The following USP40 variants were observed in gnomAD, a reference collection of about 807,000 sequenced individuals.
The protein encoded by USP40 is ubiquitin specific peptidase 40, also known as ubiquitin carboxyl-terminal hydrolase 40.
USP40 carries 143 observed loss-of-function variants against 166.2 expected under a neutral mutation model. The ratio of observed to expected loss-of-function variants is 0.86; its 90% CI spans 0.75 to 0.99. The LOEUF (loss-of-function observed/expected upper bound fraction) is 0.99, where lower values mean the gene tolerates loss of function less well. Among genes scored for constraint, USP40 ranks in the 50% least tolerant of loss-of-function variants. The pLI, the probability that USP40 is intolerant of heterozygous loss-of-function variation, is 0.00. For missense variants in USP40, 1,444 were observed against 1,479.7 expected (o/e 0.98, Z 0.40); for synonymous variants, 498 against 524.0 (o/e 0.95, Z 0.68).
In USP40 at chr2:233,477,031, C is replaced by T. The variant is rs2064212834; in HGVS notation, c.*361G>A. 1 of 350,046 alleles carries T rather than the reference C, an allele frequency of 2.9e-6. No individual in the cohort carries two copies. Among genetic ancestry groups the T allele is most frequent in the South Asian group, 2.2e-5 (1 of 44,830 alleles). The allele number at this position is 350,046 out of a possible 1,614,324, so 21.7% of individuals were successfully genotyped here. A position where few individuals can be genotyped will look rare whatever the true frequency, so the allele number is the denominator to read the frequency against. On this transcript the variant is annotated 3_prime_UTR_variant, in exon 32 of 32. Coordinates refer to ENST00000678225, the MANE Select transcript of USP40 (RefSeq NM_001365479.2). ...TGGCTGGCCTGACCCCACACACCTCCCACAGCGGAGCAACGGCATGCCGCT... is the reference window on the plus strand; with the variant it reads ...TGGCTGGCCTGACCCCACACACCTCTCACAGCGGAGCAACGGCATGCCGCT...
intron 5 of USP40, 129 bp downstream of exon 5, chr2:233,556,725 GA>G (rs753171170): frequency 1.3e-4 from 107 of 843,664 alleles, no homozygotes; most frequent in African/African-American, 8.6e-4. Context: ...GTAGTTAGAA[GA>G]AAAAAAAACT....
chr2:233,542,309 T>C lies in USP40; in HGVS notation c.1021A>G (p.Ile341Val), dbSNP rs2125317867. The part of the protein sequence containing the change: ...NLKDLQSEEE[I>V]DHPLMILKAI... ...TTTAGAATCATCAGTGGATGATCAATCTCTTCTTCACTCTGGAGATCTTTC... is the reference window on the plus strand; with the variant it reads ...TTTAGAATCATCAGTGGATGATCAACCTCTTCTTCACTCTGGAGATCTTTC... Residue 341 changes from isoleucine (I) to valine (V), a missense_variant, in exon 9 of 32, where the codon ATT becomes GTT. Transcript: ENST00000678225. 1.3e-6 allele frequency: 2 copies of C among 1,561,150 alleles called. No homozygotes were observed. Among genetic ancestry groups the C allele is most frequent in the East Asian group, 4.6e-5 (2 of 43,160 alleles).
chr2:233,532,440 T>C (rs2068613041), intron 11 of USP40, among the ~76,000 whole-genome samples: 1 of 152,176 alleles, frequency 6.6e-6, no homozygotes, highest in Admixed American at 6.5e-5. Context: ...TTCATTTACA[T>C]GAGGTGAGCA....
chr2:233,542,006 A>G (rs923605919), intron 9 of USP40, among the ~76,000 whole-genome samples: 1 of 152,184 alleles, frequency 6.6e-6, no homozygotes, highest in African/African-American at 2.4e-5. Flanking sequence ...TATCTGGCCT[A>G]CTTATACTTT....
Position 233,493,272 on chromosome 2 carries a change from G to C in USP40, c.2917+153C>G. 9.7e-7 allele frequency: 1 copy of C among 1,035,938 alleles called. No individual in the cohort carries two copies. The highest frequency in any genetic ancestry group is 2.2e-5 in the Admixed American group (1 of 44,918). The allele number at this position is 1,035,938 out of a possible 1,614,324, so 64.2% of individuals were successfully genotyped here. On this transcript the variant is annotated intron_variant, in intron 25 of 31. Transcript: ENST00000678225. This position sits in a 1 kb window ranked among gnomAD's most constrained non-coding sequence, Gnocchi z 4.7. ...AGAAATGGCACAGTGTTATTATTAT[G>C]TGATGTCTGGAATGACTTATGAAAT...
At chr2:233,483,295 G>A (rs1343390544) in intron 30 of USP40, among the ~76,000 whole-genome samples, 1 of 152,092 alleles carries the variant, frequency 6.6e-6, no homozygotes, top group East Asian at 1.9e-4. Context: ...TTCAAGACCA[G>A]CCTGGGCAAC....
At chr2:233,560,993 G>A (rs1193247653) in intron 3 of USP40, 3 of 814,242 alleles carry the variant, frequency 3.7e-6, no homozygotes, top group Non-Finnish European at 6.3e-6. Context: ...TTTCTCGGAA[G>A]GCAAATTCCA....
chr2:233,488,006 C>G (rs1219680100), intron 28 of USP40: 2 of 679,338 alleles, frequency 2.9e-6, no homozygotes, highest in South Asian at 1.5e-5. Context: ...TCAATATGCA[C>G]CTGGTGATTA....
chr2:233,521,231 C>T, intron 16 of USP40, 117 bp from the exon 17 acceptor site: 1 of 1,204,198 alleles, frequency 8.3e-7, no homozygotes. Context: ...ACTGAGTCGT[C>T]TCTATGATAA....
chr2:233,529,919 G>C (rs1227774391), intron 11 of USP40, among the ~76,000 whole-genome samples: 1 of 150,114 alleles, frequency 6.7e-6, no homozygotes, highest in African/African-American at 2.5e-5. Context: ...TCGTGCCTCA[G>C]CCTCTGAGTA....
chr2:233,531,314 T>C (rs1395679452), intron 11 of USP40, among the ~76,000 whole-genome samples: 4 of 152,222 alleles, frequency 2.6e-5, no homozygotes, highest in Non-Finnish European at 5.9e-5. Flanking sequence ...CCCTCAGTCT[T>C]CTCTTCTTCA....
At chr2:233,560,922 A>G in intron 3 of USP40, 4 of 663,160 alleles carry the variant, frequency 6.0e-6, no homozygotes, top group South Asian at 5.1e-5. Context: ...AAGAATAAGC[A>G]TAGTAAAGAG....
chr2:233,549,389 T>G (rs1180471275), intron 7 of USP40, among the ~76,000 whole-genome samples, 160 bp from the exon 8 acceptor site: 1 of 145,390 alleles, frequency 6.9e-6, no homozygotes, highest in Non-Finnish European at 1.5e-5. Flanking sequence ...AATTTAAAAT[T>G]TTTAAATTAA....
At chr2:233,559,255 C>T (rs553076677) in intron 4 of USP40, among the ~76,000 whole-genome samples, 1 of 152,228 alleles carries the variant, frequency 6.6e-6, no homozygotes, top group South Asian at 2.1e-4. Context: ...CAACAAGATT[C>T]ATAAAGAAAA....
rs1000050197 is a variant in USP40 at position 233,565,559 on chromosome 2, A to C, written c.-5T>G. The C allele has an allele frequency of 1.3e-6, 2 of 1,536,530 alleles. No homozygotes were observed. The highest frequency in any genetic ancestry group is 1.7e-6 in the Non-Finnish European group (2 of 1,146,662). On this transcript the variant is annotated 5_prime_UTR_variant, in exon 2 of 32. Transcript: ENST00000678225. ...TTCAAACAGGTCCCCAAACATTGTG[A>C]AACTAAATACTACCCTTAAAAAAAG...
At chr2:233,501,037 A>C (rs2066044871) in intron 21 of USP40, among the ~76,000 whole-genome samples, 1 of 152,224 alleles carries the variant, frequency 6.6e-6, no homozygotes, top group South Asian at 2.1e-4. Context: ...ACAAAAAATA[A>C]GGCTTTAAAA....
chr2:233,505,397 A>T (rs1047595551), intron 21 of USP40, among the ~76,000 whole-genome samples: 6 of 152,160 alleles, frequency 3.9e-5, no homozygotes, highest in African/African-American at 1.4e-4. Flanking sequence ...AAACAAAATT[A>T]AAAACTGGTT....
Position 233,527,534 on chromosome 2 carries a change from T to A in USP40, c.1598A>T (p.His533Leu), listed in dbSNP as rs2068123869. The A allele has an allele frequency of 6.2e-7, 1 of 1,612,588 alleles. No homozygotes were observed. ...SANNTFELHL[H>L]LGPQYHFFNG... ...GAAGAAATGATACTGAGGGCCCAGGTGAAGATGCAATTCAAAAGTATTGTT... is the reference window on the plus strand; with the variant it reads ...GAAGAAATGATACTGAGGGCCCAGGAGAAGATGCAATTCAAAAGTATTGTT... Residue 533 changes from histidine (H) to leucine (L), a missense_variant, in exon 13 of 32, where the codon CAC becomes CTC. His to Leu is a moderately conservative substitution (Grantham distance 99). Coordinates refer to ENST00000678225, the MANE Select transcript of USP40 (RefSeq NM_001365479.2).
intron 18 of USP40, among the ~76,000 whole-genome samples, chr2:233,516,558 G>T (rs1212281665): frequency 6.6e-6 from 1 of 151,926 alleles, no homozygotes; most frequent in African/African-American, 2.4e-5. Context: ...CCTGGTGGCG[G>T]GCACCTGTAG....
Sources: allele counts gnomAD v4.1 joint callset (sites outside exome capture counted in the v4.1 genomes callset), GRCh38; gene constraint gnomAD v4.1.1; non-coding constraint Gnocchi (gnomAD v3.1); transcripts MANE v1.5; gene names NCBI Gene and HGNC (gene_info 2026-07-23, HGNC 2026-07-21).